Variants in FYB1 observed in about 807,000 individuals in gnomAD.
FYB1 encodes FYN binding protein 1, also known as FYN-binding protein 1.
FYB1 carries 41 observed loss-of-function variants against 94.1 expected under a neutral mutation model. The ratio of observed to expected loss-of-function variants is 0.44; its 90% CI spans 0.34 to 0.57. FYB1 has a LOEUF of 0.57. FYB1 is among the 20% of genes least tolerant of loss of function. The pLI, the probability that FYB1 is intolerant of heterozygous loss-of-function variation, is 0.02. For missense variants in FYB1, 1,050 were observed against 976.8 expected, an observed-to-expected ratio of 1.07 and a Z score of -1.00; for synonymous variants, 367 against 353.2, an observed-to-expected ratio of 1.04 and a Z score of -0.44.
At chr5:39,123,447 G>A (rs936967797) in intron 13 of FYB1, among the ~76,000 whole-genome samples, 1 of 152,026 alleles carries the variant, frequency 6.6e-6, no homozygotes, top group African/African-American at 2.4e-5. Flanking sequence ...GATTACTTTT[G>A]TTTCATTTTA....
intron 2 of FYB1, among the ~76,000 whole-genome samples, chr5:39,177,214 T>A (rs1365838418): frequency 6.6e-6 from 1 of 152,210 alleles, no homozygotes; most frequent in Non-Finnish European, 1.5e-5. Context: ...ACCTATCTTG[T>A]TTCCTGAGGG....
intron 1 of FYB1, chr5:39,250,941 A>G (rs932064111): frequency 2.0e-5 from 3 of 152,240 alleles, no homozygotes; most frequent in Admixed American, 1.3e-4. Context: ...TTAATAAAGA[A>G]ACCAAATATT....
chr5:39,132,256 A>T (rs939180470), intron 9 of FYB1, among the ~76,000 whole-genome samples: 1 of 152,184 alleles, frequency 6.6e-6, no homozygotes, highest in Admixed American at 6.6e-5. Context: ...GGAGAAGATG[A>T]TGCCTTCTCT....
intron 1 of FYB1, among the ~76,000 whole-genome samples, chr5:39,255,074 AT>A (rs1447031454): frequency 6.6e-6 from 1 of 152,108 alleles, no homozygotes; most frequent in African/African-American, 2.4e-5. Context: ...ATTTTCTTAT[AT>A]TTTCGGAACA....
At chr5:39,139,207 A>C in intron 5 of FYB1, 26 bp downstream of exon 5, 1 of 1,456,828 alleles carries the variant, frequency 6.9e-7, no homozygotes, top group Non-Finnish European at 9.3e-7. Flanking sequence ...ATGTCAATAT[A>C]ATATGAGAAG....
At chr5:39,221,761 C>T (rs777179566), upstream of FYB1, among the ~76,000 whole-genome samples, 2 of 152,088 alleles carry the variant, frequency 1.3e-5, no homozygotes, top group Non-Finnish European at 2.9e-5. Context: ...CTTTGGGAGG[C>T]CTAGGAGGGT....
intron 2 of FYB1, among the ~76,000 whole-genome samples, chr5:39,198,613 T>C (rs979822499): frequency 3.9e-5 from 6 of 152,122 alleles, no homozygotes; most frequent in Non-Finnish European, 8.8e-5. Flanking sequence ...GGTACAGTAT[T>C]CAATAAATTA....
At chr5:39,158,188 C>T (rs937593378) in intron 2 of FYB1, among the ~76,000 whole-genome samples, 3 of 152,206 alleles carry the variant, frequency 2.0e-5, no homozygotes, top group Admixed American at 1.3e-4. Flanking sequence ...AAGTTAATAA[C>T]CTCTGACTCA....
intron 1 of FYB1, among the ~76,000 whole-genome samples, chr5:39,207,681 G>C (rs185891458): frequency 4.7e-4 from 71 of 151,742 alleles, no homozygotes; most frequent in Non-Finnish European, 4.1e-4. Context: ...ATTAGGAACA[G>C]GATTTTGTTT....
chr5:39,258,890 G>T (rs1033860519), intron 1 of FYB1, among the ~76,000 whole-genome samples: 15 of 152,208 alleles, frequency 9.9e-5, no homozygotes, highest in Non-Finnish European at 2.2e-4. Flanking sequence ...GCGGCTGTTG[G>T]TTCAGGGTAT....
chr5:39,226,589 C>T (rs1242174055), intron 1 of FYB1, among the ~76,000 whole-genome samples: 3 of 152,152 alleles, frequency 2.0e-5, no homozygotes, highest in Non-Finnish European at 4.4e-5. Flanking sequence ...ATCAAAGTCT[C>T]CTCTGACCCT....
intron 2 of FYB1, among the ~76,000 whole-genome samples, chr5:39,160,369 C>T (rs1050732583): frequency 3.3e-5 from 5 of 152,126 alleles, no homozygotes; most frequent in African/African-American, 1.2e-4. Context: ...AAACAGAAAC[C>T]ACTTTTTCCT....
At chr5:39,128,815 G>C (rs932866973) in intron 10 of FYB1, among the ~76,000 whole-genome samples, 6 of 151,952 alleles carry the variant, frequency 3.9e-5, no homozygotes, top group Admixed American at 3.9e-4. Context: ...ACATGATGAA[G>C]GCTTATGAAG....
At chr5:39,120,933 C>T (rs536750573) in intron 14 of FYB1, among the ~76,000 whole-genome samples, 243 of 151,790 alleles carry the variant, frequency 1.6e-3, no homozygotes, top group African/African-American at 5.3e-3. Context: ...TCAGAATATA[C>T]GTGAAAGTTA....
intron 1 of FYB1, among the ~76,000 whole-genome samples, chr5:39,230,849 AC>A (rs1750697807): frequency 3.0e-5 from 1 of 33,496 alleles, no homozygotes; most frequent in Non-Finnish European, 2.1e-4. Context: ...CAGTATACAC[AC>A]ACACACACAC....
At chr5:39,249,105 A>G (rs1751606343) in intron 1 of FYB1, among the ~76,000 whole-genome samples, 1 of 152,138 alleles carries the variant, frequency 6.6e-6, no homozygotes, top group Non-Finnish European at 1.5e-5. Context: ...TTCATCACTG[A>G]AATTTCTCTT....
chr5:39,226,398 T>A (rs1222419413), intron 1 of FYB1, among the ~76,000 whole-genome samples: 2 of 151,034 alleles, frequency 1.3e-5, no homozygotes, highest in African/African-American at 2.4e-5. Context: ...TCCAAACCTT[T>A]AAAAAAAAAA....
intron 1 of FYB1, among the ~76,000 whole-genome samples, chr5:39,259,895 T>A (rs763599757): frequency 6.6e-6 from 1 of 152,216 alleles, no homozygotes; most frequent in Non-Finnish European, 1.5e-5. Flanking sequence ...ACTTTCCTGG[T>A]CTGTCTGGAA....
chr5:39,210,309 C>G (rs1207710459), intron 1 of FYB1, among the ~76,000 whole-genome samples: 3 of 152,216 alleles, frequency 2.0e-5, no homozygotes, highest in Admixed American at 6.5e-5. Context: ...CAGGTCCCCT[C>G]GGACCTTGGC....
Sources: allele counts gnomAD v4.1 joint callset (sites outside exome capture counted in the v4.1 genomes callset), GRCh38; gene constraint gnomAD v4.1.1; transcripts MANE v1.5; gene names NCBI Gene and HGNC (gene_info 2026-07-23, HGNC 2026-07-21).